The following MICU1 variants were observed in gnomAD, a reference collection of about 807,000 sequenced individuals.
MICU1 encodes mitochondrial calcium uptake 1, also known as calcium uptake protein 1, mitochondrial.
MICU1 carries 45 observed loss-of-function variants against 56.8 expected under a neutral mutation model. The ratio of observed to expected loss-of-function variants is 0.79; its 90% CI spans 0.62 to 1.02. The LOEUF (loss-of-function observed/expected upper bound fraction) is 1.02, where lower values mean the gene tolerates loss of function less well. Among genes scored for constraint, MICU1 ranks in the 50% least tolerant of loss-of-function variants. The pLI, the probability that MICU1 is intolerant of heterozygous loss-of-function variation, is 0.00. For missense variants in MICU1, 504 were observed against 587.1 expected (o/e 0.86, Z 1.46); for synonymous variants, 186 against 195.1 (o/e 0.95, Z 0.39).
At chr10:72,371,386 C>CAAAA (rs56014491) in intron 11 of MICU1, among the ~76,000 whole-genome samples, 1 of 91,206 alleles carries the variant, frequency 1.1e-5, no homozygotes, top group Non-Finnish European at 2.2e-5. Flanking sequence ...GACTCCGTCT[C>CAAAA]AAAAAAAAAA....
intron 8 of MICU1, among the ~76,000 whole-genome samples, chr10:72,435,340 A>G (rs1864673253): frequency 6.9e-6 from 1 of 144,430 alleles, no homozygotes; most frequent in Non-Finnish European, 1.5e-5. Context: ...GTGAGCTATG[A>G]TCATGCCACT....
At chr10:72,371,299 A>T (rs1245896411) in intron 11 of MICU1, among the ~76,000 whole-genome samples, 2 of 149,826 alleles carry the variant, frequency 1.3e-5, no homozygotes, top group African/African-American at 2.5e-5. Context: ...AGGCAGGAGA[A>T]TGGCGTGAAC....
intron 5 of MICU1, chr10:72,509,349 C>T (rs1564909867): frequency 7.5e-7 from 1 of 1,325,134 alleles, no homozygotes; most frequent in Non-Finnish European, 9.9e-7. Flanking sequence ...ACTAAACCAA[C>T]AAGCACCATC....
intron 10 of MICU1, among the ~76,000 whole-genome samples, chr10:72,383,407 A>G (rs1862784190): frequency 6.6e-6 from 1 of 152,226 alleles, no homozygotes; most frequent in Non-Finnish European, 1.5e-5. Flanking sequence ...AATATTTTGT[A>G]GATATAAAAT....
At chr10:72,491,326 C>G (rs1866648140) in intron 6 of MICU1, among the ~76,000 whole-genome samples, 1 of 152,140 alleles carries the variant, frequency 6.6e-6, no homozygotes. Context: ...TGGAAAGAAA[C>G]TATTTAAGAA....
Position 72,514,115 on chromosome 10 carries a change from G to A in MICU1, c.538-5846C>T, listed in dbSNP as rs1589296289. On this transcript the variant is annotated intron_variant, in intron 5 of 11. Coordinates refer to ENST00000361114, the MANE Select transcript of MICU1 (RefSeq NM_001195518.2). ...CTAATTCTTTCTTCTGCCTGCTCAAGTTTGCTGGTTGAATCCCTCTAGTCA... is the reference window on the plus strand; with the variant it reads ...CTAATTCTTTCTTCTGCCTGCTCAAATTTGCTGGTTGAATCCCTCTAGTCA... Among the ~76,000 whole-genome samples, 6 of 151,350 alleles carry A rather than the reference G, an allele frequency of 4.0e-5. No individual in the cohort carries two copies. The East Asian group carries it at 9.7e-4, about 24-fold the overall frequency.
intron 1 of MICU1, among the ~76,000 whole-genome samples, chr10:72,571,273 A>C (rs1840604181): frequency 6.6e-6 from 1 of 152,214 alleles, no homozygotes; most frequent in African/African-American, 2.4e-5. Context: ...CTGAGGGAAA[A>C]GAATCACTTG....
chr10:72,477,448 C>A, intron 6 of MICU1, 192 bp from the exon 7 acceptor site: 1 of 1,468,614 alleles, frequency 6.8e-7, no homozygotes, highest in Admixed American at 2.0e-5. Context: ...TCCTTGAAAC[C>A]AAAAAAGAGT....
intron 6 of MICU1, among the ~76,000 whole-genome samples, chr10:72,494,842 T>TAAAAAAAA: frequency 6.9e-6 from 1 of 144,914 alleles, no homozygotes; most frequent in African/African-American, 2.6e-5. Context: ...GCCCTGATTC[T>TAAAAAAAA]AAAAAAAAAA....
At chr10:72,595,592 C>A (rs1251274051) in intron 1 of MICU1, among the ~76,000 whole-genome samples, 1 of 151,934 alleles carries the variant, frequency 6.6e-6, no homozygotes, top group African/African-American at 2.4e-5. Context: ...CTATTTCATT[C>A]ATGCCAATCT....
intron 1 of MICU1, among the ~76,000 whole-genome samples, chr10:72,571,726 T>G (rs1241880646): frequency 6.6e-6 from 1 of 151,864 alleles, no homozygotes; most frequent in Non-Finnish European, 1.5e-5. Context: ...AGATTATAAG[T>G]GTAGAAATAA....
chr10:72,609,462 C>T (rs1216506224), intron 1 of MICU1, among the ~76,000 whole-genome samples: 3 of 152,024 alleles, frequency 2.0e-5, no homozygotes, highest in Non-Finnish European at 2.9e-5. Flanking sequence ...AGGCCAGGCA[C>T]GGAGACTCAC....
At chr10:72,455,047 T>C (rs1865415253) in intron 8 of MICU1, among the ~76,000 whole-genome samples, 1 of 151,770 alleles carries the variant, frequency 6.6e-6, no homozygotes, top group Admixed American at 6.6e-5. Context: ...GTAGCAAGTT[T>C]CTGATTAAAA....
At chr10:72,571,699 T>A (rs140232281) in intron 1 of MICU1, among the ~76,000 whole-genome samples, 1 of 151,992 alleles carries the variant, frequency 6.6e-6, no homozygotes. Context: ...AACCTAGGTA[T>A]TGGGTGATGA....
intron 6 of MICU1, among the ~76,000 whole-genome samples, chr10:72,478,432 A>T (rs12098692): frequency 0.044 from 6,721 of 152,234 alleles, 410 homozygotes; most frequent in East Asian, 0.19. Flanking sequence ...AAAGAAAACT[A>T]AGTTGTTTAC....
At chr10:72,465,309 GTTTTTTT>G (rs58604429) in intron 8 of MICU1, among the ~76,000 whole-genome samples, 1 of 121,936 alleles carries the variant, frequency 8.2e-6, no homozygotes, top group African/African-American at 3.1e-5. Context: ...ATAGTTTTTT[GTTTTTTT>G]TTTTTTTTTT....
At chr10:72,470,738 C>T (rs1266540711) in intron 8 of MICU1, among the ~76,000 whole-genome samples, 2 of 152,070 alleles carry the variant, frequency 1.3e-5, no homozygotes, top group East Asian at 3.9e-4. Flanking sequence ...ATAATGAAAC[C>T]ATAGCACTAG....
chr10:72,525,683 T>A (rs114107746), intron 5 of MICU1, among the ~76,000 whole-genome samples: 1 of 152,194 alleles, frequency 6.6e-6, no homozygotes, highest in Non-Finnish European at 1.5e-5. Flanking sequence ...GAAAATCATA[T>A]ATATGATAGC....
rs1318903308 is a variant in MICU1 at position 72,533,768 on chromosome 10, A to G, written c.515T>C (p.Ile172Thr). The change falls in exon 5 of 12, where the codon ATA becomes ACA. Residue 172 changes from isoleucine to threonine, a missense_variant. Transcript: ENST00000361114. ...QPEHLGLDQYIIKRFDGKKIS... is the reference protein window; with the variant it reads ...QPEHLGLDQYTIKRFDGKKIS... ...CACCTTTCCATCAAAGCGTTTTATT[A>G]TATATTGATCCAGACCCAAGTCTGT... is the stretch of plus-strand genomic sequence containing the variant. 2 of 1,602,006 alleles carry G rather than the reference A, an allele frequency of 1.2e-6. No homozygotes were observed. Among genetic ancestry groups the G allele is most frequent in the Non-Finnish European group, 1.7e-6 (2 of 1,172,926 alleles).
Sources: gnomAD v4.1 joint callset for allele counts (sites outside exome capture counted in the v4.1 genomes callset) on GRCh38, gnomAD v4.1.1 for gene constraint, MANE v1.5 for transcripts, NCBI Gene and HGNC (gene_info 2026-07-23, HGNC 2026-07-21) for gene names.